AXIN2: variants seen among roughly 807,000 people sequenced by gnomAD.
AXIN2 encodes axin 2, also known as axin-2.
AXIN2 carries 21 observed loss-of-function variants against 74.7 expected under a neutral mutation model. That is an observed-to-expected ratio of 0.28 (90% CI 0.20 to 0.40). AXIN2 has a LOEUF of 0.40. Among genes scored for constraint, AXIN2 ranks in the 10% least tolerant of loss-of-function variants. The probability of loss-of-function intolerance (pLI) is 1.00; values close to 1 mark genes in which losing one functional copy is unlikely to be tolerated. For missense variants in AXIN2, 1,144 were observed against 1,111.1 expected (o/e 1.03, Z -0.42); for synonymous variants, 532 against 454.9 (o/e 1.17, Z -2.16).
rs1194520986 is a variant in AXIN2 at position 65,553,849 on chromosome 17, G to T, written c.815+3957C>A. Among the ~76,000 whole-genome samples, 24 of 55,584 alleles carry T rather than the reference G, an allele frequency of 4.3e-4. 1 individual carries two copies. In the East Asian group the frequency reaches 9.1e-3, roughly 21 times the overall value. The allele number at this position is 55,584 out of a possible 152,430, so 36.5% of individuals were successfully genotyped here. On this transcript the variant is annotated intron_variant, in intron 2 of 10. Transcript: ENST00000307078. ...TTGTGATTACTTAAAAAAAAAGGCG[G>T]GGGGGGGGGGAGGAAACTCAAACCA... is the stretch of plus-strand genomic sequence containing the variant.
chr17:65,535,591 G>A lies in AXIN2; in HGVS notation c.2237+35C>T, dbSNP rs375111191. The A allele has an allele frequency of 8.8e-5, 139 of 1,581,102 alleles. No individual in the cohort carries two copies. Among genetic ancestry groups the A allele is most frequent in the Non-Finnish European group, 1.1e-4 (126 of 1,150,160 alleles). On this transcript the variant is annotated intron_variant, in intron 9 of 10. Coordinates refer to ENST00000307078, the MANE Select transcript of AXIN2 (RefSeq NM_004655.4). ...GAATATTCTGAAACATAAAGCACTC[G>A]GCAGATCTCAGTAATGTCAGGTAAA...
chr17:65,538,215 C>G lies in AXIN2; in HGVS notation c.1188G>C (p.Gln396His). ...ESRHSLEERL[Q>H]QIREDEEREG... ...TAGGCCGCATTACCTCTCGGATCTG[C>G]TGCAGGCGCTCCTCCAGGCTGTGGC... The change falls in exon 5 of 11, where the codon CAG becomes CAC. Residue 396 changes from glutamine (Q) to histidine (H), a missense_variant. Physicochemically the swap from Gln to His is conservative, Grantham distance 24. Transcript: ENST00000307078. 6.2e-7 allele frequency: 1 copy of G among 1,614,252 alleles called. No individual in the cohort carries two copies. The highest frequency in any genetic ancestry group is 8.5e-7 in the Non-Finnish European group (1 of 1,180,056).
At chr17:65,544,452 T>G (rs1347411379) in intron 3 of AXIN2, among the ~76,000 whole-genome samples, 2 of 136,878 alleles carry the variant, frequency 1.5e-5, no homozygotes, top group African/African-American at 5.4e-5. Flanking sequence ...AAAGGCAACT[T>G]GTAACCAGAG....
intron 4 of AXIN2, among the ~76,000 whole-genome samples, chr17:65,539,267 G>T (rs2144487600): frequency 6.6e-6 from 1 of 152,174 alleles, no homozygotes; most frequent in Admixed American, 6.5e-5. Flanking sequence ...CTGGGGTGGG[G>T]GTAGCAGAAA....
At chr17:65,559,789 G>A (rs900010942) in intron 1 of AXIN2, among the ~76,000 whole-genome samples, 7 of 152,228 alleles carry the variant, frequency 4.6e-5, no homozygotes, top group African/African-American at 1.7e-4. Flanking sequence ...GCTGAACGGG[G>A]TGCAACCCCG....
At chr17:65,543,818 G>T (rs901689821) in intron 3 of AXIN2, among the ~76,000 whole-genome samples, 2 of 152,158 alleles carry the variant, frequency 1.3e-5, no homozygotes, top group African/African-American at 4.8e-5. Context: ...GAATTTTCTG[G>T]GAAGTCCTCC....
chr17:65,558,755 G>A lies in AXIN2; in HGVS notation c.-116-19C>T, dbSNP rs182873157. The A allele has an allele frequency of 2.2e-5, 19 of 875,428 alleles. No homozygotes were observed. In the Admixed American group the frequency reaches 2.4e-4, roughly 11 times the overall value. 54.2% of individuals were successfully genotyped at this position (875,428 alleles called of 1,614,324 possible). The stretch of plus-strand genomic sequence containing the variant: ...CTCCTCTCTGGAAAGAAAAGGAAGG[G>A]GGGAGGTGGGGAGAGAGAAAAGGGT... On this transcript the variant is annotated intron_variant, in intron 1 of 10. Coordinates refer to ENST00000307078, the MANE Select transcript of AXIN2 (RefSeq NM_004655.4).
At chr17:65,531,342 C>G (rs1168809168) in intron 10 of AXIN2, among the ~76,000 whole-genome samples, 4 of 151,936 alleles carry the variant, frequency 2.6e-5, no homozygotes, top group Admixed American at 2.6e-4. Context: ...ATTCCTGACC[C>G]AGCTAATGCA....
At chr17:65,538,056 CCAGGCA>C in intron 5 of AXIN2, 141 bp downstream of exon 5, 3 of 1,461,426 alleles carry the variant, frequency 2.1e-6, no homozygotes, top group Non-Finnish European at 2.8e-6. Context: ...CAGCCCACGC[CCAGGCA>C]CACACCCACA....
chr17:65,536,295 C>T lies in AXIN2; in HGVS notation c.2141+25G>A, dbSNP rs201919298. 2.2e-5 allele frequency: 35 copies of T among 1,585,620 alleles called. No homozygotes were observed. The East Asian group carries it at 4.1e-4, about 19-fold the overall frequency. ...CACCCAAACCCAATCCCTGCCTCAA[C>T]CTAGGACCCTTCACTTCCACTCACC... On this transcript the variant is annotated intron_variant, in intron 8 of 10. Transcript: ENST00000307078.
At position 65,558,336 on chromosome 17, in the gene AXIN2, G is replaced by C. The variant is rs1555583568; in HGVS notation, c.285C>G (p.Phe95Leu). Residue 95 changes from phenylalanine (F) to leucine (L), a missense_variant, in exon 2 of 11, where the codon TTC becomes TTG. By Grantham distance (22) the Phe-to-Leu change is conservative. Transcript: ENST00000307078. ...ATTTCTCCCTCTCCAGGAAAGTTCG[G>C]AACAGGTAAGCACCGTCTTGATCGC... is the stretch of plus-strand genomic sequence containing the variant. Reference protein sequence around the residue: ...LLGDQDGAYLFRTFLEREKCV... With the variant: ...LLGDQDGAYLLRTFLEREKCV... The C allele has an allele frequency of 6.2e-7, 1 of 1,614,208 alleles. No homozygotes were observed. Among genetic ancestry groups the C allele is most frequent in the Non-Finnish European group, 8.5e-7 (1 of 1,180,032 alleles).
rs2043777076 is a variant in AXIN2 at position 65,529,255 on chromosome 17, T to C, written c.*721A>G. 3 of 235,436 alleles carry C rather than the reference T, an allele frequency of 1.3e-5. No individual in the cohort carries two copies. 14.6% of individuals were successfully genotyped at this position (235,436 alleles called of 1,614,324 possible). ...TCCCTGCCTCTCCCTCTGCAACAGA[T>C]CATCCCATCCAACACAACCCCCAAA... On this transcript the variant is annotated 3_prime_UTR_variant, in exon 11 of 11. Coordinates refer to ENST00000307078, the MANE Select transcript of AXIN2 (RefSeq NM_004655.4).
chr17:65,555,097 C>G (rs534572549), intron 2 of AXIN2, among the ~76,000 whole-genome samples: 26 of 152,306 alleles, frequency 1.7e-4, no homozygotes, highest in Middle Eastern at 3.4e-3. Flanking sequence ...AAACCTGACA[C>G]CAAATCAGTA....
chr17:65,556,902 C>T (rs2044275168), intron 2 of AXIN2, among the ~76,000 whole-genome samples: 1 of 152,164 alleles, frequency 6.6e-6, no homozygotes, highest in Admixed American at 6.5e-5. Context: ...AATTAAGAGG[C>T]TCATTCTCTT....
chr17:65,549,570 T>A lies in AXIN2; in HGVS notation c.906A>T (p.Ile302=). 1 of 1,610,794 alleles carries A rather than the reference T, an allele frequency of 6.2e-7. No individual in the cohort carries two copies. Among genetic ancestry groups the A allele is most frequent in the South Asian group, 1.1e-5 (1 of 90,214 alleles). Residue 302 remains isoleucine (I), a synonymous_variant, in exon 3 of 11, where the codon ATA becomes ATT. Transcript: ENST00000307078. The part of the protein sequence containing the change: ...APATSANDSE[I]SSDALTDDSM... ...AATCATCCGTCAGCGCATCACTGGA[T>A]ATCTCACTGTCGTTGGCGCTGGTGG... is the stretch of plus-strand genomic sequence containing the variant.
rs2043772580 is a variant in AXIN2 at position 65,528,966 on chromosome 17, C to G, written c.*1010G>C. 1 of 276,330 alleles carries G rather than the reference C, an allele frequency of 3.6e-6. No individual in the cohort carries two copies. The highest frequency in any genetic ancestry group is 6.8e-6 in the Non-Finnish European group (1 of 147,388). 17.1% of individuals were successfully genotyped at this position (276,330 alleles called of 1,614,324 possible). ...TAACTTAACACAAAAACCCGAACAT[C>G]AAAATGAAGGTGTGTGGAGGAAAGG... On this transcript the variant is annotated 3_prime_UTR_variant, in exon 11 of 11. Coordinates refer to ENST00000307078, the MANE Select transcript of AXIN2 (RefSeq NM_004655.4).
At position 65,537,372 on chromosome 17, in the gene AXIN2, C is replaced by T. The variant is rs1224506094; in HGVS notation, c.1664G>A (p.Cys555Tyr). 1 of 1,613,852 alleles carries T rather than the reference C, an allele frequency of 6.2e-7. No homozygotes were observed. Among genetic ancestry groups the T allele is most frequent in the African/African-American group, 1.3e-5 (1 of 74,928 alleles). ...GGSEYYCYSK[C>Y]KSHSKAPETM... Reference sequence around the variant, plus strand: ...TTCCGGAGCCTTGGAGTGGCTTTTGCATTTCGAGTAGCAGTAATACTCGCT... The same window carrying T: ...TTCCGGAGCCTTGGAGTGGCTTTTGTATTTCGAGTAGCAGTAATACTCGCT... The change falls in exon 6 of 11, where the codon TGC becomes TAC. Residue 555 changes from cysteine to tyrosine, a missense_variant. Cys to Tyr is a radical substitution (Grantham distance 194). Around this residue, in one of 4 missense-constraint regions of AXIN2, gnomAD observed 1,053 missense variants for 973.5 expected, o/e 1.08. Transcript: ENST00000307078.
Position 65,541,443 on chromosome 17 carries a change from G to A in AXIN2, c.1059+12C>T. ...AGAAAACAGCTGTCTCCTCACTCCA[G>A]ACTGTACTCACCGGGAAATGAGGTA... On this transcript the variant is annotated intron_variant, in intron 4 of 10. Coordinates refer to ENST00000307078, the MANE Select transcript of AXIN2 (RefSeq NM_004655.4). The A allele has an allele frequency of 6.2e-7, 1 of 1,606,874 alleles. No homozygotes were observed. The highest frequency in any genetic ancestry group is 8.5e-7 in the Non-Finnish European group (1 of 1,173,438).
chr17:65,530,285 G>T (rs534416321), intron 10 of AXIN2, among the ~76,000 whole-genome samples, 183 bp from the exon 11 acceptor site: 5 of 152,332 alleles, frequency 3.3e-5, no homozygotes, highest in African/African-American at 1.2e-4. Flanking sequence ...CAAGAAGCAG[G>T]TGGGCCGAGA....
Sources: allele counts gnomAD v4.1 joint callset (sites outside exome capture counted in the v4.1 genomes callset), GRCh38; gene constraint gnomAD v4.1.1; regional missense constraint gnomAD v4.1.1; transcripts MANE v1.5; gene names NCBI Gene and HGNC (gene_info 2026-07-23, HGNC 2026-07-21).